The following EYA3 variants were observed in gnomAD, a reference collection of about 807,000 sequenced individuals.
The protein encoded by EYA3 is protein phosphatase EYA3.
In EYA3, 39 loss-of-function variants were observed where a neutral mutation model predicts 80.0. That is an observed-to-expected ratio of 0.49 (90% CI 0.38 to 0.64). EYA3 has a LOEUF of 0.64. EYA3 is among the 30% of genes least tolerant of loss of function. EYA3 has a pLI of 0.00. For synonymous variants in EYA3, 206 were observed against 232.8 expected (o/e 0.88, Z 1.05); for missense variants, 523 against 676.1 (o/e 0.77, Z 2.51).
At chr1:28,006,142 G>C (rs1035110671) in intron 10 of EYA3, among the ~76,000 whole-genome samples, 1 of 151,752 alleles carries the variant, frequency 6.6e-6, no homozygotes, top group African/African-American at 2.4e-5. Flanking sequence ...AACCAAGTGA[G>C]ATTAGTTCTC....
chr1:28,077,396 G>A (rs1032766969), intron 1 of EYA3, among the ~76,000 whole-genome samples: 10 of 152,062 alleles, frequency 6.6e-5, no homozygotes, highest in Admixed American at 3.9e-4. Flanking sequence ...ATGAGCCACC[G>A]TGCTTCCCCA....
chr1:27,995,432 A>T (rs961265164), intron 13 of EYA3, among the ~76,000 whole-genome samples: 3 of 150,900 alleles, frequency 2.0e-5, no homozygotes, highest in African/African-American at 7.3e-5. Flanking sequence ...AAAAAAAAAA[A>T]AAAAAAAAAG....
intron 10 of EYA3, among the ~76,000 whole-genome samples, chr1:28,007,939 TC>T (rs1186405794): frequency 6.6e-6 from 1 of 152,172 alleles, no homozygotes; most frequent in Admixed American, 6.5e-5. Flanking sequence ...GCCAAAACTG[TC>T]TTGAAATAGA....
At chr1:28,033,431 G>C (rs1240414466) in intron 6 of EYA3, among the ~76,000 whole-genome samples, 1 of 151,918 alleles carries the variant, frequency 6.6e-6, no homozygotes, top group Non-Finnish European at 1.5e-5. Context: ...ATTACTTAAA[G>C]TCAAATTTAA....
chr1:28,060,976 T>C (rs1205632603), intron 1 of EYA3, among the ~76,000 whole-genome samples: 1 of 152,122 alleles, frequency 6.6e-6, no homozygotes, highest in African/African-American at 2.4e-5. Context: ...ATCGCACCAC[T>C]GCACTCCAGC....
chr1:28,062,440 A>C (rs1009122834), intron 1 of EYA3, among the ~76,000 whole-genome samples: 1 of 152,194 alleles, frequency 6.6e-6, no homozygotes, highest in African/African-American at 2.4e-5. Flanking sequence ...GCAGCCATAA[A>C]TTTTATTTTT....
At chr1:27,978,555 C>A (rs1207303974) in intron 16 of EYA3, 81 bp from the exon 17 acceptor site, 1 of 1,174,824 alleles carries the variant, frequency 8.5e-7, no homozygotes, top group East Asian at 2.4e-5. Flanking sequence ...GCTAGGTTCA[C>A]CTGCCTGTGC....
chr1:28,081,443 A>T (rs1645425198), intron 1 of EYA3, among the ~76,000 whole-genome samples: 1 of 152,180 alleles, frequency 6.6e-6, no homozygotes, highest in South Asian at 2.1e-4. Flanking sequence ...TGACATTTTT[A>T]AATTTAAAAG....
chr1:28,046,554 A>G (rs1306543668), intron 3 of EYA3, among the ~76,000 whole-genome samples: 1 of 152,120 alleles, frequency 6.6e-6, no homozygotes, highest in Non-Finnish European at 1.5e-5. Flanking sequence ...GGGAGGGAAT[A>G]AAGGAATTAA....
At chr1:28,029,495 G>T (rs1642987158) in intron 6 of EYA3, among the ~76,000 whole-genome samples, 1 of 152,122 alleles carries the variant, frequency 6.6e-6, no homozygotes, top group Non-Finnish European at 1.5e-5. Flanking sequence ...GCATCTGCAT[G>T]AGAGTCCAAG....
chr1:28,012,881 A>T (rs1557566333), intron 9 of EYA3, among the ~76,000 whole-genome samples: 1 of 152,336 alleles, frequency 6.6e-6, no homozygotes, highest in East Asian at 1.9e-4. Context: ...AGTACGAGTC[A>T]GAAAGAGTCT....
intron 7 of EYA3, among the ~76,000 whole-genome samples, chr1:28,022,260 T>C (rs1157316486): frequency 6.6e-6 from 1 of 152,106 alleles, no homozygotes; most frequent in Non-Finnish European, 1.5e-5. Flanking sequence ...ACCATTCTCC[T>C]GCCTCAGCCT....
intron 4 of EYA3, among the ~76,000 whole-genome samples, chr1:28,041,713 T>C (rs1304579666): frequency 6.6e-6 from 1 of 152,184 alleles, no homozygotes; most frequent in Non-Finnish European, 1.5e-5. Flanking sequence ...TCTCACTTTG[T>C]TGCCCAGGCT....
chr1:28,076,666 TAAA>T (rs745971576), intron 1 of EYA3, among the ~76,000 whole-genome samples: 1 of 40,384 alleles, frequency 2.5e-5, no homozygotes, highest in Non-Finnish European at 4.7e-5. Context: ...AGACTCTGCC[TAAA>T]AAAAAAAAAA....
At position 28,013,219 on chromosome 1, in the gene EYA3, C is replaced by T. The variant is rs1391863711; in HGVS notation, c.661G>A (p.Gly221Ser). Residue 221 changes from glycine (G) to serine (S), a missense_variant, in exon 9 of 18, where the codon GGT becomes AGT. Gly to Ser is a moderately conservative substitution (Grantham distance 56, BLOSUM62 0). This residue lies in a region of EYA3 where 304 missense variants were observed against 343.3 expected (regional missense o/e 0.89). Transcript: ENST00000373871. This position sits in a 1 kb window ranked among gnomAD's most constrained non-coding sequence, Gnocchi z 4.0. ...CYPSSSFGVT[G>S]QTNSDAESTT... ...CTCTCTGCATCACTGTTAGTCTGAC[C>T]TGTGACTCCAAAGCTGGAGCTGGGG... The T allele has an allele frequency of 2.5e-6, 4 of 1,614,100 alleles. No homozygotes were observed. The Admixed American group carries it at 5.0e-5, about 20-fold the overall frequency.
intron 1 of EYA3, among the ~76,000 whole-genome samples, chr1:28,087,964 G>T (rs535302867): frequency 6.6e-6 from 1 of 152,320 alleles, no homozygotes; most frequent in South Asian, 2.1e-4. Context: ...CGGGGCTTTG[G>T]CAAAGCTCTC....
Position 28,013,060 on chromosome 1 carries a change from C to G in EYA3, c.769+51G>C. 6.4e-7 allele frequency: 1 copy of G among 1,554,904 alleles called. No individual in the cohort carries two copies. On this transcript the variant is annotated intron_variant, in intron 9 of 17. Coordinates refer to ENST00000373871, the MANE Select transcript of EYA3 (RefSeq NM_001990.4). This position sits in a 1 kb window ranked among gnomAD's most constrained non-coding sequence, Gnocchi z 4.0. The stretch of plus-strand genomic sequence containing the variant: ...CATCCTTACCATTGCCTAAAAACAA[C>G]TGTTGGATGAAGTGACCTTAAGCCA...
At chr1:28,031,924 T>C (rs1643162906) in intron 6 of EYA3, 1 of 152,180 alleles carries the variant, frequency 6.6e-6, no homozygotes, top group Non-Finnish European at 1.5e-5. Flanking sequence ...CGGAGTGCAG[T>C]GGCTATTCAC....
At chr1:28,008,025 T>C (rs1004486048) in intron 10 of EYA3, among the ~76,000 whole-genome samples, 4 of 152,198 alleles carry the variant, frequency 2.6e-5, no homozygotes, top group Non-Finnish European at 2.9e-5. Flanking sequence ...AGCATAAGGA[T>C]AGACATAGAG....
Sources: allele counts gnomAD v4.1 joint callset (sites outside exome capture counted in the v4.1 genomes callset), GRCh38; gene constraint gnomAD v4.1.1; regional missense constraint gnomAD v4.1.1; non-coding constraint Gnocchi (gnomAD v3.1); transcripts MANE v1.5; gene names NCBI Gene and HGNC (gene_info 2026-07-23, HGNC 2026-07-21).